PLCL1: variants seen among roughly 807,000 people sequenced by gnomAD.
The protein encoded by PLCL1 is inactive phospholipase C-like protein 1.
PLCL1 carries 41 observed loss-of-function variants against 84.4 expected under a neutral mutation model. That is an observed-to-expected ratio of 0.49 (90% CI 0.38 to 0.63). The LOEUF (loss-of-function observed/expected upper bound fraction) is 0.63, where lower values mean the gene tolerates loss of function less well. Ranked by LOEUF, PLCL1 falls within the 30% of genes least tolerant of loss-of-function variation. The pLI, the probability that PLCL1 is intolerant of heterozygous loss-of-function variation, is 0.00. For missense variants in PLCL1, 1,206 were observed against 1,367.8 expected (o/e 0.88, Z 1.87); for synonymous variants, 490 against 488.3 (o/e 1.00, Z -0.05).
At chr2:197,881,478 T>C (rs1687826766) in intron 1 of PLCL1, among the ~76,000 whole-genome samples, 2 of 152,006 alleles carry the variant, frequency 1.3e-5, no homozygotes, top group African/African-American at 2.4e-5. Flanking sequence ...TGCCATATAC[T>C]GCTCTGTATT....
At chr2:198,066,319 C>T (rs1692318693) in intron 1 of PLCL1, among the ~76,000 whole-genome samples, 2 of 152,122 alleles carry the variant, frequency 1.3e-5, no homozygotes, top group Admixed American at 1.3e-4. Flanking sequence ...ATTCTTAATA[C>T]TCTAGAGCCA....
chr2:197,878,953 A>C (rs1490208421), intron 1 of PLCL1, among the ~76,000 whole-genome samples: 1 of 152,224 alleles, frequency 6.6e-6, no homozygotes, highest in Non-Finnish European at 1.5e-5. Flanking sequence ...TAATAGGAAG[A>C]TTTCACATAT....
At chr2:198,015,324 T>A (rs1483107376) in intron 1 of PLCL1, among the ~76,000 whole-genome samples, 1 of 152,150 alleles carries the variant, frequency 6.6e-6, no homozygotes, top group African/African-American at 2.4e-5. Flanking sequence ...CAAGCATAAA[T>A]ATAAAAAGCA....
intron 1 of PLCL1, among the ~76,000 whole-genome samples, chr2:197,993,226 T>C (rs1160569212): frequency 1.3e-5 from 2 of 152,210 alleles, no homozygotes; most frequent in African/African-American, 4.8e-5. Context: ...TTGTATCTCA[T>C]TGCGGTTTTG....
At position 197,906,924 on chromosome 2, in the gene PLCL1, A is replaced by G. The variant is rs1316931623; in HGVS notation, c.240+101585A>G. Among the ~76,000 whole-genome samples the G allele has an allele frequency of 4.6e-5, 7 of 152,144 alleles. No homozygotes were observed. In the East Asian group the frequency reaches 1.3e-3, roughly 29 times the overall value. On this transcript the variant is annotated intron_variant, in intron 1 of 5. Transcript: ENST00000428675. ...TTACACATTTATTTTGTATCCTGAG[A>G]CTTTGCTGAAGTTGCTTATCAGCTG...
chr2:197,983,200 C>CTTTTTTTCTTTTTTTTTTT (rs1690150482), intron 1 of PLCL1, among the ~76,000 whole-genome samples: 1 of 60,256 alleles, frequency 1.7e-5, no homozygotes, highest in African/African-American at 6.4e-5. Flanking sequence ...CTTTTCTTTT[C>CTTTTTTTCTTTTTTTTTTT]TTTTTTTTTT....
At chr2:197,865,121 C>A (rs1229277563) in intron 1 of PLCL1, among the ~76,000 whole-genome samples, 1 of 152,104 alleles carries the variant, frequency 6.6e-6, no homozygotes, top group Non-Finnish European at 1.5e-5. Context: ...TAAGGTACAG[C>A]AAGATAAGTG....
chr2:197,826,283 T>G (rs1042398727), intron 1 of PLCL1, among the ~76,000 whole-genome samples: 1 of 152,224 alleles, frequency 6.6e-6, no homozygotes, highest in Non-Finnish European at 1.5e-5. Context: ...ATCATCTACC[T>G]ACGCTTCATC....
At chr2:197,923,307 C>A (rs1335542765) in intron 1 of PLCL1, among the ~76,000 whole-genome samples, 4 of 149,206 alleles carry the variant, frequency 2.7e-5, no homozygotes, top group African/African-American at 9.8e-5. Flanking sequence ...CGGAGACGCT[C>A]CTCACTTCCC....
chr2:198,092,313 C>T lies in PLCL1; in HGVS notation c.2919+3252C>T, dbSNP rs540979144. ...CCAGTCTCATCTGCTTCTCCAGCCT[C>T]ATTCTCACACCCTCTATTTTGCTCA... On this transcript the variant is annotated intron_variant, in intron 3 of 5. Transcript: ENST00000428675. 2.0e-5 allele frequency among the ~76,000 whole-genome samples: 3 copies of T among 152,342 alleles called. No individual in the cohort carries two copies. In the East Asian group the frequency reaches 5.8e-4, roughly 29 times the overall value.
intron 1 of PLCL1, among the ~76,000 whole-genome samples, chr2:198,026,812 G>A (rs1691276921): frequency 6.6e-6 from 1 of 152,132 alleles, no homozygotes; most frequent in African/African-American, 2.4e-5. Context: ...AATTTAGAAT[G>A]AGATATCACC....
At chr2:197,829,079 T>G (rs1335747438) in intron 1 of PLCL1, among the ~76,000 whole-genome samples, 1 of 152,210 alleles carries the variant, frequency 6.6e-6, no homozygotes. Flanking sequence ...GCATTCCAGA[T>G]AAACAGTACA....
intron 1 of PLCL1, among the ~76,000 whole-genome samples, chr2:197,838,150 G>T (rs1182029490): frequency 1.3e-5 from 2 of 152,136 alleles, no homozygotes; most frequent in Non-Finnish European, 1.5e-5. Context: ...GGAAGCTCTC[G>T]CCTGGGAGCT....
chr2:198,110,461 C>T (rs1342347327), intron 5 of PLCL1, among the ~76,000 whole-genome samples: 1 of 151,872 alleles, frequency 6.6e-6, no homozygotes. Flanking sequence ...CTTGCTACAA[C>T]AGAGGAAATT....
chr2:198,006,313 T>G (rs975854497), intron 1 of PLCL1, among the ~76,000 whole-genome samples: 3 of 152,192 alleles, frequency 2.0e-5, no homozygotes, highest in African/African-American at 7.2e-5. Flanking sequence ...TGGGCATGTG[T>G]GCTTGCATAC....
At chr2:198,053,740 A>G (rs1158390767) in intron 1 of PLCL1, among the ~76,000 whole-genome samples, 1 of 152,224 alleles carries the variant, frequency 6.6e-6, no homozygotes. Flanking sequence ...AGACCTGCCA[A>G]AGGAGAAAGA....
Position 198,084,752 on chromosome 2 carries a change from C to T in PLCL1, c.1235C>T (p.Ser412Phe), listed in dbSNP as rs374856574. ...QPLSHYYINA[S>F]HNTYLIEDQF... ...TTATCTCACTACTATATCAATGCCT[C>T]TCATAACACCTATCTAATAGAAGAC... Residue 412 changes from serine to phenylalanine, a missense_variant, in exon 2 of 6, where the codon TCT becomes TTT. Physicochemically the swap from Ser to Phe is radical, Grantham distance 155. Transcript: ENST00000428675. 28 of 1,613,976 alleles carry T rather than the reference C, an allele frequency of 1.7e-5. No individual in the cohort carries two copies. Among genetic ancestry groups the T allele is most frequent in the Non-Finnish European group, 2.2e-5 (26 of 1,180,000 alleles).
At chr2:197,991,151 T>C (rs1690338418) in intron 1 of PLCL1, among the ~76,000 whole-genome samples, 1 of 152,114 alleles carries the variant, frequency 6.6e-6, no homozygotes, top group South Asian at 2.1e-4. Context: ...ATTGAGGGCC[T>C]GAATAGAACA....
intron 1 of PLCL1, among the ~76,000 whole-genome samples, chr2:197,927,564 T>A (rs1368373667): frequency 6.6e-6 from 1 of 152,196 alleles, no homozygotes; most frequent in Non-Finnish European, 1.5e-5. Context: ...AAAATTAGTG[T>A]TTTCAAGGCA....
Sources: allele counts gnomAD v4.1 joint callset (sites outside exome capture counted in the v4.1 genomes callset), GRCh38; gene constraint gnomAD v4.1.1; transcripts MANE v1.5; gene names NCBI Gene and HGNC (gene_info 2026-07-23, HGNC 2026-07-21).